The following GRHL3 variants were observed in gnomAD, a reference collection of about 807,000 sequenced individuals.
The protein encoded by GRHL3 is grainyhead like transcription factor 3.
In GRHL3, 20 loss-of-function variants were observed where a neutral mutation model predicts 70.3. That is an observed-to-expected ratio of 0.28 (90% CI 0.20 to 0.41). GRHL3 has a LOEUF of 0.41. GRHL3 is among the 10% of genes least tolerant of loss of function. GRHL3 has a pLI of 1.00. For missense variants in GRHL3, 637 were observed against 762.3 expected, an observed-to-expected ratio of 0.84 and a Z score of 1.94; for synonymous variants, 299 against 299.9, an observed-to-expected ratio of 1.00 and a Z score of 0.03.
Position 24,336,736 on chromosome 1 carries a change from G to T in GRHL3, c.521G>T (p.Gly174Val), listed in dbSNP as rs755826508. ...LLPTTDMYDN[G>V]SLNSLFESIH... Reference sequence around the variant, plus strand: ...CCCACCACTGATATGTATGATAATGGCTCCCTCAACTCCTTGTTTGAGAGC... The same window carrying T: ...CCCACCACTGATATGTATGATAATGTCTCCCTCAACTCCTTGTTTGAGAGC... Residue 174 changes from glycine (G) to valine (V), a missense_variant, in exon 4 of 16, where the codon GGC (glycine) becomes GTC (valine). By Grantham distance (109) the Gly-to-Val change is moderately radical (BLOSUM62 -3). Transcript: ENST00000361548. The T allele has an allele frequency of 3.1e-6, 5 of 1,614,084 alleles. No individual in the cohort carries two copies. In the East Asian group the frequency reaches 8.9e-5, roughly 29 times the overall value.
At chr1:24,341,829 G>GCGGAAA (rs1640054647) in intron 8 of GRHL3, among the ~76,000 whole-genome samples, 1 of 152,232 alleles carries the variant, frequency 6.6e-6, no homozygotes, top group Non-Finnish European at 1.5e-5. Context: ...TGGCAGTCTA[G>GCGGAAA]CGGAAACTGT....
downstream of GRHL3, chr1:24,357,519 T>TA (rs1280191548): frequency 2.6e-5 from 4 of 153,016 alleles, no homozygotes; most frequent in African/African-American, 9.6e-5. Context: ...CAGTACTTTT[T>TA]AAAGTCCCCA....
Position 24,322,912 on chromosome 1 carries a change from G to A in GRHL3, c.17+3344G>A. On this transcript the variant is annotated intron_variant, in intron 1 of 15. Coordinates refer to ENST00000361548, the MANE Select transcript of GRHL3 (RefSeq NM_198173.3). The surrounding 1 kb of genome is among the most constrained non-coding windows in gnomAD (Gnocchi z 4.4). Reference sequence around the variant, plus strand: ...GGAGTGTAAATGCAGTTTTGCCGAAGAGGGGACCCAGACCTGGTTCAGGCT... The same window carrying A: ...GGAGTGTAAATGCAGTTTTGCCGAAAAGGGGACCCAGACCTGGTTCAGGCT... The A allele has an allele frequency of 1.7e-6, 1 of 599,480 alleles. No homozygotes were observed. Among genetic ancestry groups the A allele is most frequent in the African/African-American group, 1.9e-5 (1 of 53,826 alleles). The allele number at this position is 599,480 out of a possible 1,614,324, so 37.1% of individuals were successfully genotyped here.
chr1:24,356,721 G>A (rs1282519305), downstream of GRHL3, among the ~76,000 whole-genome samples: 3 of 152,190 alleles, frequency 2.0e-5, no homozygotes, highest in African/African-American at 7.2e-5. Context: ...GGGTCTCCAA[G>A]GCCACTACAA....
At chr1:24,358,171 T>C (rs1267651406), downstream of GRHL3, 4 of 501,702 alleles carry the variant, frequency 8.0e-6, no homozygotes, top group East Asian at 2.2e-4. Context: ...CTTGGCCACC[T>C]TCAGGGTGGA....
Position 24,344,907 on chromosome 1 carries a change from C to T in GRHL3, c.1430C>T (p.Ser477Leu), listed in dbSNP as rs114518869. 1,217 of 1,613,628 alleles carry T rather than the reference C, an allele frequency of 7.5e-4. 8 individuals are homozygous for T. In the African/African-American group the frequency reaches 0.014, roughly 19 times the overall value. Residue 477 changes from serine (S) to leucine (L), a missense_variant, in exon 12 of 16, where the codon TCG (serine) becomes TTG (leucine). By Grantham distance (145) the Ser-to-Leu change is moderately radical. This residue lies in a region of GRHL3 where 387 missense variants were observed against 513.8 expected (regional missense o/e 0.75). Coordinates refer to ENST00000361548, the MANE Select transcript of GRHL3 (RefSeq NM_198173.3). ...TTCACTTCATTGCAGGCAGCCCCCT[C>T]GGCAGGACCCAGCAGCTCCAACAGG... ...SLQRSGGAAPSAGPSSSNRLP... is the reference protein window; with the variant it reads ...SLQRSGGAAPLAGPSSSNRLP...
chr1:24,347,772 G>A (rs956575838), intron 14 of GRHL3, among the ~76,000 whole-genome samples: 3 of 152,162 alleles, frequency 2.0e-5, no homozygotes, highest in Non-Finnish European at 4.4e-5. Context: ...CCTGGGAGTC[G>A]CACACACCAT....
rs759722511 is a variant in GRHL3 at position 24,354,422 on chromosome 1, C to T, written c.1743C>T (p.His581=). ...DNNIIQHYSN[H]VAFLLDMGEL... ...ACATCATTCAGCATTACAGCAACCA[C>T]GTCGCCTTCCTGCTGGACATGGGGG... Residue 581 remains histidine (H), a synonymous_variant, in exon 16 of 16, where the codon CAC becomes CAT. Transcript: ENST00000361548. The T allele has an allele frequency of 1.1e-5, 17 of 1,613,818 alleles. No individual in the cohort carries two copies. The highest frequency in any genetic ancestry group is 5.3e-5 in the African/African-American group (4 of 74,914).
intron 1 of GRHL3, among the ~76,000 whole-genome samples, chr1:24,323,807 G>T (rs1160117296): frequency 6.6e-6 from 1 of 152,112 alleles, no homozygotes; most frequent in Non-Finnish European, 1.5e-5. Flanking sequence ...TCCTAAAAAG[G>T]TTAGAACAAC....
At chr1:24,338,504 C>T (rs1004447556) in intron 7 of GRHL3, among the ~76,000 whole-genome samples, 26 of 152,198 alleles carry the variant, frequency 1.7e-4, no homozygotes, top group Admixed American at 1.6e-3. Flanking sequence ...CCACCTGGTC[C>T]CCATCCCTAG....
intron 15 of GRHL3, among the ~76,000 whole-genome samples, chr1:24,351,408 G>GTT (rs11446442): frequency 4.6e-5 from 7 of 151,334 alleles, no homozygotes; most frequent in Non-Finnish European, 1.0e-4. Flanking sequence ...TGGGAAGGGG[G>GTT]TTTTTTTTGG....
intron 1 of GRHL3, among the ~76,000 whole-genome samples, chr1:24,324,739 C>T (rs905584229): frequency 1.4e-4 from 21 of 152,134 alleles, no homozygotes; most frequent in African/African-American, 5.1e-4. Context: ...TGTCAGGTTG[C>T]TTGCTTAAAG....
chr1:24,348,290 C>G (rs892412746), intron 14 of GRHL3, among the ~76,000 whole-genome samples: 2 of 152,200 alleles, frequency 1.3e-5, no homozygotes, highest in Non-Finnish European at 2.9e-5. Flanking sequence ...CCTTAACAAC[C>G]CTGAAAAGTG....
intron 1 of GRHL3, among the ~76,000 whole-genome samples, chr1:24,325,233 C>A (rs1489938111): frequency 6.6e-6 from 1 of 152,170 alleles, no homozygotes; most frequent in Non-Finnish European, 1.5e-5. Flanking sequence ...GTCTAGCCTG[C>A]TGGATCTGTC....
intron 15 of GRHL3, among the ~76,000 whole-genome samples, chr1:24,362,072 A>G (rs544428815): frequency 6.6e-6 from 1 of 152,308 alleles, no homozygotes; most frequent in South Asian, 2.1e-4. Flanking sequence ...GGTTCTCCGC[A>G]CTGAATGGCC....
At chr1:24,352,847 C>T (rs1640570494) in intron 15 of GRHL3, among the ~76,000 whole-genome samples, 1 of 152,206 alleles carries the variant, frequency 6.6e-6, no homozygotes, top group Non-Finnish European at 1.5e-5. Context: ...CCTATGATTA[C>T]ACATTGGCAG....
intron 1 of GRHL3, 114 bp from the exon 2 acceptor site, chr1:24,331,312 G>C (rs1465804770): frequency 2.1e-6 from 2 of 955,646 alleles, no homozygotes; most frequent in Non-Finnish European, 3.1e-6. Context: ...AGAAGAGGCA[G>C]TTTCATGTTT....
At chr1:24,329,549 G>A (rs1012892097) in intron 1 of GRHL3, among the ~76,000 whole-genome samples, 26 of 152,220 alleles carry the variant, frequency 1.7e-4, no homozygotes, top group African/African-American at 4.8e-4. Flanking sequence ...GTTGTCTCAC[G>A]GACCAGCTGG....
At chr1:24,347,665 G>A in intron 14 of GRHL3, 112 bp downstream of exon 14, 4 of 867,974 alleles carry the variant, frequency 4.6e-6, no homozygotes, top group Non-Finnish European at 5.7e-6. Flanking sequence ...GCATGCCGGT[G>A]GCCTACCCGT....
Sources: gnomAD v4.1 joint callset for allele counts (sites outside exome capture counted in the v4.1 genomes callset) on GRCh38, gnomAD v4.1.1 for gene constraint, gnomAD v4.1.1 regional missense constraint, Gnocchi (gnomAD v3.1) non-coding constraint, MANE v1.5 for transcripts, NCBI Gene and HGNC (gene_info 2026-07-23, HGNC 2026-07-21) for gene names.